NDFIP1: variants seen among roughly 807,000 people sequenced by gnomAD.
NDFIP1 encodes Nedd4 family interacting protein 1, also known as NEDD4 family-interacting protein 1.
Under a neutral mutation model 28.8 loss-of-function variants are expected in NDFIP1, and 7 were observed. That is an observed-to-expected ratio of 0.24 (90% CI 0.14 to 0.46). The LOEUF (loss-of-function observed/expected upper bound fraction) is 0.46. Among genes scored for constraint, NDFIP1 ranks in the 20% least tolerant of loss-of-function variants. NDFIP1 has a pLI of 0.99. For synonymous variants in NDFIP1, 92 were observed against 101.0 expected (o/e 0.91, Z 0.53); for missense variants, 194 against 269.1 (o/e 0.72, Z 1.95).
chr5:142,140,306 G>C lies in NDFIP1; in HGVS notation c.496-257G>C, dbSNP rs185672585. Among the ~76,000 whole-genome samples, 56 of 152,126 alleles carry C rather than the reference G, an allele frequency of 3.7e-4. No homozygotes were observed. The East Asian group carries it at 0.01, about 28-fold the overall frequency. On this transcript the variant is annotated intron_variant, in intron 5 of 7. Coordinates refer to ENST00000253814, the MANE Select transcript of NDFIP1 (RefSeq NM_030571.4). ...TCTACTAAAAATATAAAGTTAGCCAGGCATGGTGGTATATGCCTGTAATCC... is the reference window on the plus strand; with the variant it reads ...TCTACTAAAAATATAAAGTTAGCCACGCATGGTGGTATATGCCTGTAATCC...
chr5:142,150,977 T>C (rs1218126138), intron 7 of NDFIP1, among the ~76,000 whole-genome samples: 2 of 152,194 alleles, frequency 1.3e-5, no homozygotes, highest in African/African-American at 4.8e-5. Context: ...TTGTAGTTTT[T>C]CCCAAGTTAT....
intron 1 of NDFIP1, among the ~76,000 whole-genome samples, chr5:142,118,220 A>G (rs1048548693): frequency 6.6e-6 from 1 of 152,228 alleles, no homozygotes; most frequent in East Asian, 1.9e-4. Context: ...GTTTTTACCT[A>G]ATGTCCTTTT....
intron 6 of NDFIP1, among the ~76,000 whole-genome samples, chr5:142,141,324 T>C (rs1034082607): frequency 1.3e-5 from 2 of 151,480 alleles, no homozygotes; most frequent in East Asian, 1.9e-4. Context: ...TACAGGCACC[T>C]GCCACCACGC....
chr5:142,120,302 T>C (rs1301966291), intron 1 of NDFIP1, among the ~76,000 whole-genome samples: 1 of 152,234 alleles, frequency 6.6e-6, no homozygotes, highest in Non-Finnish European at 1.5e-5. Flanking sequence ...CATACCACTC[T>C]GAACATGCCC....
intron 1 of NDFIP1, among the ~76,000 whole-genome samples, chr5:142,129,214 G>A (rs1757201103): frequency 6.6e-6 from 1 of 152,176 alleles, no homozygotes; most frequent in Non-Finnish European, 1.5e-5. Flanking sequence ...GCTTCTTTTG[G>A]TGACCTTCCC....
chr5:142,135,928 T>A, intron 4 of NDFIP1, 111 bp downstream of exon 4: 1 of 687,934 alleles, frequency 1.5e-6, no homozygotes, highest in East Asian at 2.8e-5. Flanking sequence ...TAATACATTA[T>A]GTTTATTTGG....
At chr5:142,131,928 T>C (rs1406717883) in intron 2 of NDFIP1, 33 bp downstream of exon 2, 1 of 1,517,304 alleles carries the variant, frequency 6.6e-7, no homozygotes, top group South Asian at 1.2e-5. Context: ...CACGGAATCC[T>C]TAAAAACACT....
intron 3 of NDFIP1, chr5:142,133,919 G>A (rs1757249663): frequency 6.6e-6 from 1 of 152,166 alleles, no homozygotes; most frequent in South Asian, 2.1e-4. Context: ...GATCATAGGG[G>A]AAAATGAGAT....
chr5:142,146,912 A>G (rs546625928), intron 7 of NDFIP1, among the ~76,000 whole-genome samples: 2 of 152,262 alleles, frequency 1.3e-5, no homozygotes, highest in East Asian at 1.9e-4. Context: ...TCTAAATTTA[A>G]AACTATGTAT....
chr5:142,134,037 T>C (rs551366496), intron 3 of NDFIP1: 2 of 152,352 alleles, frequency 1.3e-5, no homozygotes, highest in East Asian at 1.9e-4. Context: ...GATGTAGTAA[T>C]TGGCTTTGTA....
At position 142,151,969 on chromosome 5, in the gene NDFIP1, C is replaced by G. The variant is rs1455530957; in HGVS notation, c.*241C>G. The G allele has an allele frequency of 6.5e-6, 1 of 152,742 alleles. No individual in the cohort carries two copies. Among genetic ancestry groups the G allele is most frequent in the South Asian group, 2.1e-4 (1 of 4,832 alleles). The allele number at this position is 152,742 out of a possible 1,614,324, so 9.5% of individuals were successfully genotyped here. Reference sequence around the variant, plus strand: ...TGGTTAATGTTTGAAAAAGCTCTTGCAATCAAGTCTGTGATGTATTAATAA... The same window carrying G: ...TGGTTAATGTTTGAAAAAGCTCTTGGAATCAAGTCTGTGATGTATTAATAA... On this transcript the variant is annotated 3_prime_UTR_variant, in exon 8 of 8. Transcript: ENST00000253814.
chr5:142,111,179 G>C (rs1485963548), intron 1 of NDFIP1, among the ~76,000 whole-genome samples: 2 of 151,114 alleles, frequency 1.3e-5, no homozygotes, highest in African/African-American at 2.4e-5. Flanking sequence ...TGTGTATCTT[G>C]TTCTCAGACA....
intron 4 of NDFIP1, among the ~76,000 whole-genome samples, chr5:142,137,132 T>A (rs1489506688): frequency 6.6e-6 from 1 of 151,830 alleles, no homozygotes; most frequent in African/African-American, 2.4e-5. Flanking sequence ...ATGTTAAGGT[T>A]TGCTTTTTGC....
chr5:142,136,327 A>T (rs1013942964), intron 4 of NDFIP1, among the ~76,000 whole-genome samples: 16 of 152,222 alleles, frequency 1.1e-4, no homozygotes, highest in Non-Finnish European at 1.5e-5. Flanking sequence ...TTTAGAGGTG[A>T]TGTTATATAA....
At chr5:142,146,751 CCTT>C (rs957444782) in intron 7 of NDFIP1, among the ~76,000 whole-genome samples, 3 of 152,124 alleles carry the variant, frequency 2.0e-5, no homozygotes, top group African/African-American at 7.2e-5. Context: ...GGATTGCATA[CCTT>C]CTTCATCTTG....
At chr5:142,141,587 A>G (rs1437862766) in intron 6 of NDFIP1, among the ~76,000 whole-genome samples, 1 of 152,196 alleles carries the variant, frequency 6.6e-6, no homozygotes, top group South Asian at 2.1e-4. Context: ...TCTTGATTAT[A>G]TGTAAAGAAA....
intron 1 of NDFIP1, among the ~76,000 whole-genome samples, chr5:142,128,482 G>A (rs1328495662): frequency 6.6e-6 from 1 of 152,178 alleles, no homozygotes; most frequent in Non-Finnish European, 1.5e-5. Context: ...CCCCTGAAGT[G>A]TAAAAAGATG....
chr5:142,116,942 C>T (rs2126910925), intron 1 of NDFIP1, among the ~76,000 whole-genome samples: 1 of 152,114 alleles, frequency 6.6e-6, no homozygotes, highest in South Asian at 2.1e-4. Flanking sequence ...AACTCCTGGC[C>T]TTAAGTGATC....
intron 6 of NDFIP1, among the ~76,000 whole-genome samples, chr5:142,141,751 C>T (rs1757334188): frequency 6.6e-6 from 1 of 151,990 alleles, no homozygotes; most frequent in African/African-American, 2.4e-5. Context: ...TTCTTGTTGC[C>T]CCCTTAATTA....
Sources: allele counts gnomAD v4.1 joint callset (sites outside exome capture counted in the v4.1 genomes callset), GRCh38; gene constraint gnomAD v4.1.1; transcripts MANE v1.5; gene names NCBI Gene and HGNC (gene_info 2026-07-23, HGNC 2026-07-21).